DHRSX: variants seen among roughly 807,000 people sequenced by gnomAD.
The protein encoded by DHRSX is polyprenol dehydrogenase.
Under a neutral mutation model 34.0 loss-of-function variants are expected in DHRSX, and 31 were observed. That is an observed-to-expected ratio of 0.91 (90% CI 0.69 to 1.23). The LOEUF is 1.23. DHRSX is among the 50% of genes most tolerant of loss of function. The probability of loss-of-function intolerance (pLI) is 0.00; values close to 1 mark genes in which losing one functional copy is unlikely to be tolerated. For synonymous variants in DHRSX, 201 were observed against 183.8 expected, an observed-to-expected ratio of 1.09 and a Z score of -0.76; for missense variants, 414 against 428.1, an observed-to-expected ratio of 0.97 and a Z score of 0.29.
chrX:2,408,969 C>T, intron 2 of DHRSX, 156 bp from the exon 3 acceptor site: 1 of 207,628 alleles, frequency 4.8e-6, no homozygotes, highest in Non-Finnish European at 8.4e-6. Context: ...AACTTGACAG[C>T]CATTTTGGCA....
intron 5 of DHRSX, among the ~76,000 whole-genome samples, chrX:2,248,746 A>G (rs905863577): frequency 2.9e-4 from 44 of 151,982 alleles, no homozygotes; most frequent in African/African-American, 9.2e-4. Flanking sequence ...CCACCCCCAG[A>G]AGGAAGGCGC....
At chrX:2,442,918 C>G (rs1306694531) in intron 1 of DHRSX, among the ~76,000 whole-genome samples, 1 of 152,154 alleles carries the variant, frequency 6.6e-6, no homozygotes, top group South Asian at 2.1e-4. Context: ...CAGACACGTG[C>G]GTGTTCCGTC....
intron 4 of DHRSX, among the ~76,000 whole-genome samples, chrX:2,283,879 C>T (rs1053915538): frequency 6.6e-6 from 1 of 151,936 alleles, no homozygotes; most frequent in African/African-American, 2.4e-5. Flanking sequence ...TTCATTCATT[C>T]ATTCCTTTGA....
chrX:2,436,181 A>C (rs1365608963), intron 1 of DHRSX, among the ~76,000 whole-genome samples: 1 of 152,118 alleles, frequency 6.6e-6, no homozygotes, highest in African/African-American at 2.4e-5. Flanking sequence ...TGACAGAGGG[A>C]GACTCCATCT....
At chrX:2,399,738 A>C (rs1026940462) in intron 3 of DHRSX, among the ~76,000 whole-genome samples, 2 of 144,542 alleles carry the variant, frequency 1.4e-5, no homozygotes, top group African/African-American at 5.2e-5. Context: ...AAAAAAAAAA[A>C]AAAACAAAAA....
intron 3 of DHRSX, among the ~76,000 whole-genome samples, chrX:2,295,987 G>T (rs1229023387): frequency 6.6e-6 from 1 of 151,988 alleles, no homozygotes; most frequent in African/African-American, 2.4e-5. Flanking sequence ...AGAGATGCTT[G>T]TGTGCCTCAC....
At chrX:2,250,104 G>A (rs1194056999) in intron 5 of DHRSX, among the ~76,000 whole-genome samples, 2 of 149,414 alleles carry the variant, frequency 1.3e-5, no homozygotes, top group African/African-American at 4.9e-5. Context: ...GAAGATTGCA[G>A]TGAGCCGAGA....
At chrX:2,392,793 A>G (rs1263115457) in intron 3 of DHRSX, among the ~76,000 whole-genome samples, 1 of 121,810 alleles carries the variant, frequency 8.2e-6, no homozygotes, top group African/African-American at 3.1e-5. Flanking sequence ...AATAGCATAA[A>G]TATTTAATAT....
rs1458415286 is a variant in DHRSX at position 2,380,287 on chromosome X, C to G, written c.286+28458G>C. Among the ~76,000 whole-genome samples, 5 of 98,662 alleles carry G rather than the reference C, an allele frequency of 5.1e-5. No individual in the cohort carries two copies. The East Asian group carries it at 1.7e-3, about 34-fold the overall frequency. 64.7% of individuals were successfully genotyped at this position (98,662 alleles called of 152,430 possible). A position where few individuals can be genotyped will look rare whatever the true frequency, so the allele number is the denominator to read the frequency against. On this transcript the variant is annotated intron_variant, in intron 3 of 6. Coordinates refer to ENST00000334651, the MANE Select transcript of DHRSX (RefSeq NM_145177.3). Reference sequence around the variant, plus strand: ...CTGCACTCCAGCCTGGGCTACAGAGCAAGACTCCGTCTCAAAAAAAAAAAA... The same window carrying G: ...CTGCACTCCAGCCTGGGCTACAGAGGAAGACTCCGTCTCAAAAAAAAAAAA...
intron 6 of DHRSX, among the ~76,000 whole-genome samples, chrX:2,238,839 C>T (rs904626680): frequency 6.6e-6 from 1 of 151,950 alleles, no homozygotes; most frequent in African/African-American, 2.4e-5. Flanking sequence ...CTCACCTTGG[C>T]CTCCCAAAGT....
Position 2,245,766 on chromosome X carries a change from G to A in DHRSX, c.597-2536C>T, listed in dbSNP as rs761328918. Among the ~76,000 whole-genome samples the A allele has an allele frequency of 4.1e-5, 6 of 145,234 alleles. No homozygotes were observed. The South Asian group carries it at 1.2e-3, about 30-fold the overall frequency. On this transcript the variant is annotated intron_variant, in intron 5 of 6. Transcript: ENST00000334651. ...AGGTCAGGAGTTTGAGACCAGGCTG[G>A]CCAACATGGTGAAACCCTGTCTCTA...
chrX:2,473,352 G>C (rs1343850659), intron 1 of DHRSX, among the ~76,000 whole-genome samples: 1 of 152,170 alleles, frequency 6.6e-6, no homozygotes, highest in Non-Finnish European at 1.5e-5. Context: ...CGCCAGGCGC[G>C]GGGGCTCACG....
intron 1 of DHRSX, among the ~76,000 whole-genome samples, chrX:2,446,361 G>A (rs2044134837): frequency 1.3e-5 from 2 of 150,722 alleles, no homozygotes; most frequent in South Asian, 4.2e-4. Flanking sequence ...CACTGAAGAC[G>A]TTCCCTAAGA....
At chrX:2,426,734 A>C (rs1431985864) in intron 1 of DHRSX, among the ~76,000 whole-genome samples, 104 of 90,568 alleles carry the variant, frequency 1.1e-3, no homozygotes, top group Admixed American at 2.3e-3. Context: ...TCTTTCTCTC[A>C]CTTTTTCCTT....
intron 6 of DHRSX, among the ~76,000 whole-genome samples, chrX:2,240,909 G>A (rs1243584039): frequency 1.3e-5 from 2 of 152,114 alleles, no homozygotes; most frequent in African/African-American, 2.4e-5. Context: ...GGACAGGCAC[G>A]GTGGCTCACT....
chrX:2,427,565 G>A (rs1238821969), intron 1 of DHRSX, among the ~76,000 whole-genome samples: 2 of 152,138 alleles, frequency 1.3e-5, no homozygotes, highest in Non-Finnish European at 2.9e-5. Context: ...GGGTGCTGGT[G>A]GGAGTCAGAC....
At chrX:2,355,488 G>T (rs2042837372) in intron 3 of DHRSX, among the ~76,000 whole-genome samples, 1 of 122,176 alleles carries the variant, frequency 8.2e-6, no homozygotes, top group African/African-American at 3.0e-5. Context: ...CTCCTGCCTG[G>T]GTGACAAGAG....
intron 1 of DHRSX, among the ~76,000 whole-genome samples, chrX:2,477,654 T>G (rs1182918317): frequency 6.6e-6 from 1 of 152,056 alleles, no homozygotes; most frequent in Non-Finnish European, 1.5e-5. Context: ...GAGACCAACA[T>G]GACCAACATG....
At chrX:2,364,090 G>A (rs949331892) in intron 3 of DHRSX, among the ~76,000 whole-genome samples, 2 of 152,122 alleles carry the variant, frequency 1.3e-5, no homozygotes, top group Admixed American at 6.5e-5. Context: ...GCGAGGCTGG[G>A]AGTCCCTTTC....
Sources: gnomAD v4.1 joint callset for allele counts (sites outside exome capture counted in the v4.1 genomes callset) on GRCh38, gnomAD v4.1.1 for gene constraint, MANE v1.5 for transcripts, NCBI Gene and HGNC (gene_info 2026-07-23, HGNC 2026-07-21) for gene names.